KCNK2: variants seen among roughly 807,000 people sequenced by gnomAD.
The protein encoded by KCNK2 is potassium two pore domain channel subfamily K member 2, also known as potassium channel subfamily K member 2.
A neutral mutation model predicts 40.5 loss-of-function variants in KCNK2; 21 were observed. That is an observed-to-expected ratio of 0.52 (90% CI 0.37 to 0.75). The LOEUF (loss-of-function observed/expected upper bound fraction) is 0.75. KCNK2 is among the 30% of genes least tolerant of loss of function. The pLI is 0.00. For synonymous variants in KCNK2, 191 were observed against 202.2 expected (o/e 0.94, Z 0.47); for missense variants, 399 against 531.6 (o/e 0.75, Z 2.45).
In KCNK2 at chr1:215,177,303, T is replaced by C. The variant is rs182461439; in HGVS notation, c.823+5120T>C. ...TACTTATTTTATCCAATTCTATAGG[T>C]TGTCTGTTTACTCTGTTGATAGTTT... is the stretch of plus-strand genomic sequence containing the variant. On this transcript the variant is annotated intron_variant, in intron 5 of 6. Coordinates refer to ENST00000444842, the MANE Select transcript of KCNK2 (RefSeq NM_001017425.3). Among the ~76,000 whole-genome samples the C allele has an allele frequency of 6.1e-4, 93 of 152,256 alleles. 1 individual carries two copies. The East Asian group carries it at 0.011, about 18-fold the overall frequency.
At chr1:215,185,162 A>G (rs1664383845) in intron 5 of KCNK2, among the ~76,000 whole-genome samples, 1 of 152,062 alleles carries the variant, frequency 6.6e-6, no homozygotes, top group African/African-American at 2.4e-5. Context: ...AGGAAATAAT[A>G]CAAACTTATA....
At chr1:215,027,687 T>A (rs1657045322) in intron 1 of KCNK2, among the ~76,000 whole-genome samples, 1 of 152,342 alleles carries the variant, frequency 6.6e-6, no homozygotes, top group South Asian at 2.1e-4. Flanking sequence ...ATTTCAATCA[T>A]GTTGATACTT....
At chr1:215,111,309 A>G (rs1660674526) in intron 2 of KCNK2, among the ~76,000 whole-genome samples, 1 of 152,110 alleles carries the variant, frequency 6.6e-6, no homozygotes, top group Non-Finnish European at 1.5e-5. Context: ...CCTGATCTTA[A>G]AAGAAAAGCT....
At chr1:215,178,270 A>C (rs1176667338) in intron 5 of KCNK2, among the ~76,000 whole-genome samples, 1 of 152,118 alleles carries the variant, frequency 6.6e-6, no homozygotes, top group Non-Finnish European at 1.5e-5. Context: ...AGAATTTTTA[A>C]GGTTTTCTAA....
chr1:215,193,321 G>T (rs572288519), intron 5 of KCNK2, among the ~76,000 whole-genome samples: 2 of 152,224 alleles, frequency 1.3e-5, no homozygotes, highest in Admixed American at 1.3e-4. Flanking sequence ...TATGCTGTTG[G>T]TCCTAAAATC....
intron 1 of KCNK2, among the ~76,000 whole-genome samples, chr1:215,052,197 G>A (rs773802964): frequency 2.0e-5 from 3 of 152,110 alleles, no homozygotes; most frequent in Non-Finnish European, 4.4e-5. Flanking sequence ...GGGTGAAACC[G>A]GTGAAACTAG....
At chr1:215,198,931 A>G (rs1664973475) in intron 6 of KCNK2, among the ~76,000 whole-genome samples, 1 of 152,192 alleles carries the variant, frequency 6.6e-6, no homozygotes, top group Admixed American at 6.5e-5. Flanking sequence ...TTTTTCAAAA[A>G]CAAATCTGCT....
intron 2 of KCNK2, among the ~76,000 whole-genome samples, chr1:215,093,784 TTATATATTATATAA>T (rs1471865322): frequency 6.4e-5 from 1 of 15,576 alleles, no homozygotes; most frequent in African/African-American, 1.5e-4. Context: ...ATATTATATA[TTATATATTATATAA>T]TATAAAATAT....
intron 2 of KCNK2, among the ~76,000 whole-genome samples, chr1:215,105,010 C>A (rs540317314): frequency 6.3e-4 from 96 of 151,996 alleles, no homozygotes; most frequent in African/African-American, 2.2e-3. Flanking sequence ...TATGGATGTA[C>A]CATCTTTTTA....
intron 1 of KCNK2, among the ~76,000 whole-genome samples, chr1:215,054,388 G>A (rs1658085767): frequency 6.6e-6 from 1 of 152,146 alleles, no homozygotes; most frequent in Admixed American, 6.5e-5. Flanking sequence ...TTTTTCAAAG[G>A]CTGCTTTGTC....
chr1:215,083,255 G>C lies in KCNK2; in HGVS notation c.-131G>C. 6.2e-7 allele frequency: 1 copy of C among 1,611,292 alleles called. No individual in the cohort carries two copies. The highest frequency in any genetic ancestry group is 1.1e-5 in the South Asian group (1 of 90,894). ...TCCCCACCTTGTAAAACAAAGCCGG[G>C]GAAAATGCCTGCCCGTGCAGCTCGG... On this transcript the variant is annotated 5_prime_UTR_variant, in exon 1 of 7. Coordinates refer to ENST00000444842, the MANE Select transcript of KCNK2 (RefSeq NM_001017425.3).
At chr1:215,147,066 A>T (rs971368392) in intron 3 of KCNK2, among the ~76,000 whole-genome samples, 4 of 152,232 alleles carry the variant, frequency 2.6e-5, no homozygotes, top group African/African-American at 9.6e-5. Context: ...AATCTAATCA[A>T]TATTGTTCTA....
At position 215,159,838 on chromosome 1, in the gene KCNK2, A is replaced by G. The variant is rs929758652; in HGVS notation, c.476-9361A>G. 4.6e-5 allele frequency among the ~76,000 whole-genome samples: 7 copies of G among 152,210 alleles called. No homozygotes were observed. The South Asian group carries it at 6.2e-4, about 14-fold the overall frequency. On this transcript the variant is annotated intron_variant, in intron 3 of 6. Transcript: ENST00000444842. ...TAGCCAAGTTCTCAAAGTCAATATCATCTTAATAGGACAAGCTAATATCAT... is the reference window on the plus strand; with the variant it reads ...TAGCCAAGTTCTCAAAGTCAATATCGTCTTAATAGGACAAGCTAATATCAT...
intron 2 of KCNK2, among the ~76,000 whole-genome samples, chr1:215,088,737 T>C (rs1659566383): frequency 1.3e-5 from 2 of 152,224 alleles, no homozygotes; most frequent in Non-Finnish European, 2.9e-5. Context: ...TGGTGAATAC[T>C]GATCACTTTT....
chr1:215,114,250 A>G (rs1256434552), intron 2 of KCNK2, among the ~76,000 whole-genome samples: 1 of 152,120 alleles, frequency 6.6e-6, no homozygotes. Context: ...TTAGTTGTGA[A>G]TGAAGACAAA....
chr1:215,093,393 C>A (rs1659779506), intron 2 of KCNK2, among the ~76,000 whole-genome samples: 2 of 128,910 alleles, frequency 1.6e-5, no homozygotes, highest in Non-Finnish European at 3.2e-5. Context: ...ATATAATATA[C>A]CTATAATATA....
At chr1:215,167,439 G>T (rs886743001) in intron 3 of KCNK2, among the ~76,000 whole-genome samples, 1 of 151,870 alleles carries the variant, frequency 6.6e-6, no homozygotes, top group Non-Finnish European at 1.5e-5. Flanking sequence ...TAAGAGGTTT[G>T]CTGATCAAAA....
intron 1 of KCNK2, among the ~76,000 whole-genome samples, chr1:215,068,861 CT>C (rs74778495): frequency 0.043 from 6,607 of 152,252 alleles, 518 homozygotes; most frequent in East Asian, 0.35. Flanking sequence ...TATTTTCACA[CT>C]TTGATCCCCT....
At chr1:215,159,175 G>A (rs1663078778) in intron 3 of KCNK2, among the ~76,000 whole-genome samples, 1 of 152,180 alleles carries the variant, frequency 6.6e-6, no homozygotes, top group Admixed American at 6.6e-5. Context: ...TAGTGGATAA[G>A]AGCAGATAAG....
Sources: allele counts gnomAD v4.1 joint callset (sites outside exome capture counted in the v4.1 genomes callset), GRCh38; gene constraint gnomAD v4.1.1; transcripts MANE v1.5; gene names NCBI Gene and HGNC (gene_info 2026-07-23, HGNC 2026-07-21).